Variants in FRMPD1 observed in about 807,000 individuals in gnomAD.
The protein encoded by FRMPD1 is FERM and PDZ domain-containing protein 1.
A neutral mutation model predicts 117.8 loss-of-function variants in FRMPD1; 76 were observed. The observed-to-expected ratio is 0.65, with a 90% CI of 0.54 to 0.78. The LOEUF is 0.78. Among genes scored for constraint, FRMPD1 ranks in the 30% least tolerant of loss-of-function variants. FRMPD1 has a pLI of 0.00. For synonymous variants in FRMPD1, 783 were observed against 770.4 expected (o/e 1.02, Z -0.27); for missense variants, 1,786 against 1,964.5 (o/e 0.91, Z 1.72).
At chr9:37,626,355 A>G in the FRMPD1 span, among the ~76,000 whole-genome samples, 1 of 151,234 alleles carries the variant, frequency 6.6e-6, no homozygotes, top group Admixed American at 6.6e-5. Flanking sequence ...AAATACAAAA[A>G]TTAGCTGGGC....
intron 5 of FRMPD1, among the ~76,000 whole-genome samples, chr9:37,717,627 G>A (rs1331983992): frequency 6.6e-6 from 1 of 152,114 alleles, no homozygotes; most frequent in Non-Finnish European, 1.5e-5. Context: ...TGATCTGCCT[G>A]CCTCAGCCTC....
intron 8 of FRMPD1, 140 bp from the exon 9 acceptor site, chr9:37,730,844 A>G: frequency 2.5e-6 from 2 of 805,372 alleles, no homozygotes; most frequent in Non-Finnish European, 2.0e-6. Flanking sequence ...GTAAAGGTCT[A>G]TGGCTGTCTT....
At chr9:37,739,944 G>A (rs1482862376) in intron 14 of FRMPD1, 134 bp from the exon 15 acceptor site, 17 of 685,896 alleles carry the variant, frequency 2.5e-5, no homozygotes, top group South Asian at 2.4e-4. Context: ...CGTCAGTATA[G>A]GACGGTCTTA....
At chr9:37,656,909 T>C (rs1033973364) in intron 1 of FRMPD1, among the ~76,000 whole-genome samples, 3 of 147,408 alleles carry the variant, frequency 2.0e-5, no homozygotes, top group African/African-American at 7.8e-5. Context: ...TATGTGGCCT[T>C]AATATTAGTT....
At chr9:37,715,868 C>A (rs1223391305) in intron 5 of FRMPD1, among the ~76,000 whole-genome samples, 1 of 152,130 alleles carries the variant, frequency 6.6e-6, no homozygotes, top group African/African-American at 2.4e-5. Context: ...AACGGCCCTT[C>A]TTCCCTGTGA....
the FRMPD1 span, among the ~76,000 whole-genome samples, chr9:37,640,472 A>C: frequency 6.6e-6 from 1 of 152,324 alleles, no homozygotes; most frequent in East Asian, 1.9e-4. Context: ...ATATGCTCTG[A>C]AATGTTCTCC....
At chr9:37,694,908 T>G (rs1822267734) in intron 2 of FRMPD1, among the ~76,000 whole-genome samples, 1 of 152,196 alleles carries the variant, frequency 6.6e-6, no homozygotes, top group Non-Finnish European at 1.5e-5. Context: ...TTCATTCTTT[T>G]TTATTGTCAA....
At chr9:37,657,495 A>C (rs1209474504) in intron 1 of FRMPD1, among the ~76,000 whole-genome samples, 3 of 152,194 alleles carry the variant, frequency 2.0e-5, no homozygotes, top group African/African-American at 4.8e-5. Context: ...CAGACTGTCC[A>C]GGGCTCCCCT....
upstream of FRMPD1, among the ~76,000 whole-genome samples, chr9:37,647,672 G>A (rs1824167354): frequency 6.6e-6 from 1 of 152,168 alleles, no homozygotes; most frequent in South Asian, 2.1e-4. Flanking sequence ...TCTCAAGAAG[G>A]TCTCAAGAAG....
intron 1 of FRMPD1, among the ~76,000 whole-genome samples, chr9:37,660,120 A>G (rs1432925170): frequency 2.0e-5 from 3 of 150,464 alleles, no homozygotes; most frequent in African/African-American, 7.3e-5. Context: ...ACTCATTTCA[A>G]TGTGCTTTGC....
At chr9:37,605,993 C>T in the FRMPD1 span, among the ~76,000 whole-genome samples, 1 of 152,074 alleles carries the variant, frequency 6.6e-6, no homozygotes, top group Non-Finnish European at 1.5e-5. Context: ...AGGCATGAAC[C>T]GCTACACTCA....
At chr9:37,651,258 C>A (rs1240486113) in intron 1 of FRMPD1, among the ~76,000 whole-genome samples, 164 bp downstream of exon 1, 2 of 152,228 alleles carry the variant, frequency 1.3e-5, no homozygotes, top group African/African-American at 4.8e-5. Flanking sequence ...GGCTCGGGGG[C>A]GCGTCCGTGG....
chr9:37,731,451 G>A (rs879593629), intron 9 of FRMPD1, among the ~76,000 whole-genome samples: 8 of 152,162 alleles, frequency 5.3e-5, no homozygotes, highest in Non-Finnish European at 7.3e-5. Flanking sequence ...TGGAAAGGTC[G>A]TGTGATTTGC....
rs936673293 is a variant in FRMPD1 at position 37,659,129 on chromosome 9, G to T, written c.-5+8035G>T. Among the ~76,000 whole-genome samples the T allele has an allele frequency of 2.6e-5, 4 of 152,188 alleles. No homozygotes were observed. In the South Asian group the frequency reaches 8.3e-4, roughly 32 times the overall value. ...AGTCCTCCTGTCCCAGCCTCCCAAA[G>T]TGCTGGGATGACGGGTGTGAGCTAC... On this transcript the variant is annotated intron_variant, in intron 1 of 15. Coordinates refer to ENST00000377765, the MANE Select transcript of FRMPD1 (RefSeq NM_014907.3).
Position 37,740,203 on chromosome 9 carries a change from C to A in FRMPD1, c.1675C>A (p.Pro559Thr). The change falls in exon 15 of 16, where the codon CCT (proline) becomes ACT (threonine). Residue 559 changes from proline to threonine, a missense_variant. Coordinates refer to ENST00000377765, the MANE Select transcript of FRMPD1 (RefSeq NM_014907.3). This position sits in a 1 kb window ranked among gnomAD's most constrained non-coding sequence, Gnocchi z 4.2. ...CAGATCACTCATAAAGGAGGAGCAG[C>A]CTCCTGGGAACAGCCCCACACCTGA... is the stretch of plus-strand genomic sequence containing the variant. ...PCRSLIKEEQ[P>T]PGNSPTPEVA... 6.2e-7 allele frequency: 1 copy of A among 1,613,986 alleles called. No homozygotes were observed. Among genetic ancestry groups the A allele is most frequent in the South Asian group, 1.1e-5 (1 of 91,080 alleles).
the FRMPD1 span, among the ~76,000 whole-genome samples, chr9:37,604,514 A>G: frequency 3.9e-5 from 6 of 152,242 alleles, no homozygotes; most frequent in African/African-American, 1.4e-4. Flanking sequence ...AGGTATGCTT[A>G]GAAGCAGGGG....
intron 1 of FRMPD1, among the ~76,000 whole-genome samples, chr9:37,675,160 T>C (rs184698642): frequency 1.3e-5 from 2 of 152,194 alleles, no homozygotes; most frequent in Admixed American, 1.3e-4. Flanking sequence ...CGGTGACTCA[T>C]GCCTGTAATC....
At chr9:37,730,857 G>A in intron 8 of FRMPD1, 127 bp from the exon 9 acceptor site, 1 of 910,790 alleles carries the variant, frequency 1.1e-6, no homozygotes, top group Non-Finnish European at 1.7e-6. Context: ...GCTGTCTTGG[G>A]AAGCACTAGA....
chr9:37,685,583 C>T (rs968661392), intron 1 of FRMPD1, among the ~76,000 whole-genome samples: 15 of 151,844 alleles, frequency 9.9e-5, no homozygotes, highest in African/African-American at 2.2e-4. Flanking sequence ...ACCCATGAGG[C>T]GGAGATTGCG....
Sources: gnomAD v4.1 joint callset for allele counts (sites outside exome capture counted in the v4.1 genomes callset) on GRCh38, gnomAD v4.1.1 for gene constraint, Gnocchi (gnomAD v3.1) non-coding constraint, MANE v1.5 for transcripts, NCBI Gene and HGNC (gene_info 2026-07-23, HGNC 2026-07-21) for gene names.